The following ALG5 variants were observed in gnomAD, a reference collection of about 807,000 sequenced individuals.
ALG5 encodes dolichyl-phosphate beta-glucosyltransferase.
In ALG5, 26 loss-of-function variants were observed where a neutral mutation model predicts 51.8. The ratio of observed to expected loss-of-function variants is 0.50; its 90% confidence interval spans 0.37 to 0.70. ALG5 has a LOEUF of 0.70. Ranked by LOEUF, ALG5 falls within the 30% of genes least tolerant of loss-of-function variation. The pLI is 0.00. For missense variants in ALG5, 311 were observed against 399.3 expected, an observed-to-expected ratio of 0.78 and a Z score of 1.88; for synonymous variants, 141 against 136.1, an observed-to-expected ratio of 1.04 and a Z score of -0.25.
At chr13:36,962,580 C>T (rs2058872578) in intron 8 of ALG5, among the ~76,000 whole-genome samples, 1 of 152,028 alleles carries the variant, frequency 6.6e-6, no homozygotes, top group Non-Finnish European at 1.5e-5. Flanking sequence ...ATCCACCTGC[C>T]TCAGCCTCCC....
intron 1 of ALG5, 71 bp from the exon 2 acceptor site, chr13:36,995,667 G>T: frequency 7.3e-7 from 1 of 1,362,914 alleles, no homozygotes; most frequent in African/African-American, 1.5e-5. Context: ...ATTTATGTTA[G>T]AATACATCAT....
rs1285589633 is a variant in ALG5, at chr13:36,973,777, TGAAAC to T, written c.562-1746_562-1742del. ...AATACAGTTGGAAAAGCAGCAGACT[TGAAAC>T]AGAGTACACAAAAGAGGAAGTGAAA... On this transcript the variant is annotated intron_variant, in intron 6 of 9. Transcript: ENST00000239891. Among the ~76,000 whole-genome samples, 3 of 152,160 alleles carry T rather than the reference TGAAAC, an allele frequency of 2.0e-5. No homozygotes were observed. In the East Asian group the frequency reaches 5.8e-4, roughly 29 times the overall value.
chr13:36,970,902 C>T (rs949524665), intron 7 of ALG5, among the ~76,000 whole-genome samples: 1 of 152,192 alleles, frequency 6.6e-6, no homozygotes, highest in Non-Finnish European at 1.5e-5. Context: ...CAGAGCGAGA[C>T]TCTGTCTCAA....
At chr13:36,955,619 A>G (rs972331370) in intron 8 of ALG5, among the ~76,000 whole-genome samples, 1 of 150,276 alleles carries the variant, frequency 6.7e-6, no homozygotes, top group Non-Finnish European at 1.5e-5. Flanking sequence ...AGAAGATAAA[A>G]TTACAGGACT....
At chr13:36,959,589 G>A (rs532474152) in intron 8 of ALG5, among the ~76,000 whole-genome samples, 1 of 152,216 alleles carries the variant, frequency 6.6e-6, no homozygotes, top group South Asian at 2.1e-4. Flanking sequence ...GCTTCCAAAA[G>A]GGGGTGGAAA....
chr13:36,997,167 G>C (rs975334408), intron 1 of ALG5, among the ~76,000 whole-genome samples: 11 of 152,112 alleles, frequency 7.2e-5, no homozygotes, highest in African/African-American at 2.7e-4. Context: ...CAGGACAAAT[G>C]ATCATATTAA....
At chr13:36,999,039 T>A (rs772025054) in intron 1 of ALG5, 196 bp downstream of exon 1, 22 of 443,444 alleles carry the variant, frequency 5.0e-5, no homozygotes, top group Non-Finnish European at 7.7e-5. Context: ...GAGATAAGAT[T>A]CCAAGGGAAA....
At chr13:36,984,782 A>G (rs566901347) in intron 6 of ALG5, among the ~76,000 whole-genome samples, 2 of 152,132 alleles carry the variant, frequency 1.3e-5, no homozygotes, top group East Asian at 3.9e-4. Context: ...CTGGAGCTCT[A>G]CGTGGCTTTG....
chr13:36,954,643 C>A (rs1378947721), intron 8 of ALG5, among the ~76,000 whole-genome samples: 1 of 152,136 alleles, frequency 6.6e-6, no homozygotes, highest in Admixed American at 6.5e-5. Context: ...CTATACAGAG[C>A]CTTATGTTAT....
intron 5 of ALG5, among the ~76,000 whole-genome samples, chr13:36,987,618 C>G (rs772609223): frequency 6.6e-6 from 1 of 152,184 alleles, no homozygotes; most frequent in African/African-American, 2.4e-5. Context: ...AATGCTGGCA[C>G]CATGCTCCGT....
intron 6 of ALG5, among the ~76,000 whole-genome samples, chr13:36,972,279 G>T (rs775362187): frequency 6.6e-6 from 1 of 152,042 alleles, no homozygotes; most frequent in African/African-American, 2.4e-5. Context: ...GTTAAAATTC[G>T]TAACTTTAAA....
intron 8 of ALG5, among the ~76,000 whole-genome samples, chr13:36,964,022 G>A (rs991678589): frequency 3.3e-5 from 5 of 152,076 alleles, no homozygotes; most frequent in Admixed American, 6.5e-5. Context: ...TGCTTTAATC[G>A]AGAAAAAGAA....
intron 3 of ALG5, 78 bp downstream of exon 3, chr13:36,994,911 A>T (rs1360989841): frequency 1.8e-5 from 23 of 1,290,206 alleles, no homozygotes; most frequent in African/African-American, 4.5e-5. Flanking sequence ...CTCACAGTGC[A>T]TCTGGCTTGG....
intron 3 of ALG5, 80 bp from the exon 4 acceptor site, chr13:36,993,752 AAAC>A (rs1379373577): frequency 1.8e-6 from 2 of 1,136,318 alleles, no homozygotes; most frequent in Admixed American, 1.7e-5. Context: ...GTAATTTAAA[AAAC>A]AACTGCTTTA....
intron 1 of ALG5, 84 bp from the exon 2 acceptor site, chr13:36,995,680 A>C: frequency 7.6e-7 from 1 of 1,314,568 alleles, no homozygotes. Flanking sequence ...TACATCATCT[A>C]CTTTTCTTTT....
At chr13:36,996,459 AATCAAAGATT>A (rs1293957781) in intron 1 of ALG5, among the ~76,000 whole-genome samples, 1 of 152,216 alleles carries the variant, frequency 6.6e-6, no homozygotes, top group Non-Finnish European at 1.5e-5. Context: ...ATAAGATTAT[AATCAAAGATT>A]ATCAAAGATT....
intron 8 of ALG5, among the ~76,000 whole-genome samples, chr13:36,955,876 A>C (rs1358886025): frequency 6.6e-6 from 1 of 152,136 alleles, no homozygotes; most frequent in Non-Finnish European, 1.5e-5. Flanking sequence ...CTTACACGTA[A>C]GACCTGAAAC....
At chr13:36,968,060 A>C (rs2138794828) in intron 7 of ALG5, 1 of 184,050 alleles carries the variant, frequency 5.4e-6, no homozygotes, top group South Asian at 1.1e-4. Flanking sequence ...AAGTTATTTG[A>C]TTTCTAACAT....
chr13:36,991,695 G>A (rs1208333752), intron 4 of ALG5, among the ~76,000 whole-genome samples: 5 of 152,230 alleles, frequency 3.3e-5, no homozygotes, highest in African/African-American at 7.2e-5. Context: ...GGCTTTAGTA[G>A]AGGGAGGGGT....
Sources: allele counts gnomAD v4.1 joint callset (sites outside exome capture counted in the v4.1 genomes callset), GRCh38; gene constraint gnomAD v4.1.1; transcripts MANE v1.5; gene names NCBI Gene and HGNC (gene_info 2026-07-23, HGNC 2026-07-21).